The following PDZD2 variants were observed in gnomAD, a reference collection of about 807,000 sequenced individuals.
PDZD2 encodes PDZ domain containing 2, also known as PDZ domain-containing protein 2.
In PDZD2, 90 loss-of-function variants were observed where a neutral mutation model predicts 220.7. That is an observed-to-expected ratio of 0.41 (90% CI 0.34 to 0.49). The LOEUF (loss-of-function observed/expected upper bound fraction) is 0.49, where lower values mean the gene tolerates loss of function less well. Ranked by LOEUF, PDZD2 falls within the 20% of genes least tolerant of loss-of-function variation. The probability of loss-of-function intolerance (pLI) is 0.28; values close to 1 mark genes in which losing one functional copy is unlikely to be tolerated. For synonymous variants in PDZD2, 1,375 were observed against 1,450.5 expected (o/e 0.95, Z 1.18); for missense variants, 3,174 against 3,608.5 (o/e 0.88, Z 3.08).
intron 21 of PDZD2, among the ~76,000 whole-genome samples, chr5:32,095,277 TC>T (rs1743557890): frequency 6.6e-6 from 1 of 152,198 alleles, no homozygotes; most frequent in Non-Finnish European, 1.5e-5. Flanking sequence ...TGAAGATCAT[TC>T]CTACATATCA....
At chr5:31,731,533 A>G (rs1167138448) in intron 1 of PDZD2, among the ~76,000 whole-genome samples, 2 of 152,186 alleles carry the variant, frequency 1.3e-5, no homozygotes, top group Non-Finnish European at 2.9e-5. Flanking sequence ...GTCTATGGAT[A>G]TAACTCTTCG....
At chr5:31,662,851 T>C (rs144951341) in intron 1 of PDZD2, among the ~76,000 whole-genome samples, 2,247 of 152,248 alleles carry the variant, frequency 0.015, 17 homozygotes, top group Non-Finnish European at 0.02. Context: ...AGGATGGTCT[T>C]GATCTCCTGA....
chr5:31,858,318 G>T (rs77181320), intron 2 of PDZD2, among the ~76,000 whole-genome samples: 23 of 152,108 alleles, frequency 1.5e-4, no homozygotes, highest in Admixed American at 1.5e-3. Flanking sequence ...GGGACACCCA[G>T]TTAATTGGAA....
intron 1 of PDZD2, among the ~76,000 whole-genome samples, chr5:31,777,328 G>A (rs1052773241): frequency 5.2e-4 from 79 of 152,314 alleles, no homozygotes; most frequent in African/African-American, 1.7e-3. Context: ...CCAGGCCTCA[G>A]CCGCCTCCCT....
chr5:32,108,765 G>GAGTGT lies in PDZD2; in HGVS notation c.*632_*636dup, dbSNP rs1349664760. On this transcript the variant is annotated 3_prime_UTR_variant, in exon 25 of 25. Transcript: ENST00000438447. Reference sequence around the variant, plus strand: ...TAATTAATTGAGAGTATTTTTTAGTGAGTGTAATGTATAATGTACGTATGC... The same window carrying GAGTGT: ...TAATTAATTGAGAGTATTTTTTAGTGAGTGTAGTGTAATGTATAATGTACGTATGC... 2 of 152,678 alleles carry GAGTGT rather than the reference G, an allele frequency of 1.3e-5. No individual in the cohort carries two copies. 9.5% of individuals were successfully genotyped at this position (152,678 alleles called of 1,614,324 possible).
At chr5:32,051,180 C>G (rs913070729) in intron 8 of PDZD2, among the ~76,000 whole-genome samples, 1 of 152,030 alleles carries the variant, frequency 6.6e-6, no homozygotes, top group African/African-American at 2.4e-5. Flanking sequence ...AGAAAGAGTT[C>G]CCTTAGGAGT....
At chr5:31,729,099 CTTTT>C (rs10650811) in intron 1 of PDZD2, among the ~76,000 whole-genome samples, 1 of 123,648 alleles carries the variant, frequency 8.1e-6, no homozygotes, top group Non-Finnish European at 1.6e-5. Flanking sequence ...TGATCGAAAT[CTTTT>C]TTTTTTTTTT....
intron 1 of PDZD2, among the ~76,000 whole-genome samples, chr5:31,686,813 A>G (rs112437105): frequency 1.3e-5 from 2 of 152,202 alleles, no homozygotes; most frequent in Non-Finnish European, 2.9e-5. Context: ...ATATATTACA[A>G]TTAACTGTTT....
chr5:32,044,440 A>G (rs1426623221), intron 7 of PDZD2, among the ~76,000 whole-genome samples: 1 of 152,148 alleles, frequency 6.6e-6, no homozygotes, highest in Non-Finnish European at 1.5e-5. Context: ...CAGGGAGTGG[A>G]AGTCTGTCTG....
Position 32,045,588 on chromosome 5 carries a change from G to GTT in PDZD2, c.1520-2940_1520-2939dup, listed in dbSNP as rs34280498. Among the ~76,000 whole-genome samples, 230 of 140,078 alleles carry GTT rather than the reference G, an allele frequency of 1.6e-3. 1 individual carries two copies. The highest frequency in any genetic ancestry group is 5.6e-3 in the African/African-American group (215 of 38,598). 91.9% of individuals were successfully genotyped at this position (140,078 alleles called of 152,430 possible). A position where few individuals can be genotyped will look rare whatever the true frequency, so the allele number is the denominator to read the frequency against. On this transcript the variant is annotated intron_variant, in intron 7 of 24. Coordinates refer to ENST00000438447, the MANE Select transcript of PDZD2 (RefSeq NM_178140.4). Reference sequence around the variant, plus strand: ...GGCACATATACCACCACGCCCAGCTGTTTTTTTTTTTTGTATTTTTAGTAG... The same window carrying GTT: ...GGCACATATACCACCACGCCCAGCTGTTTTTTTTTTTTTTGTATTTTTAGTAG...
chr5:31,826,675 C>CAAA (rs745683312), intron 2 of PDZD2, among the ~76,000 whole-genome samples: 1 of 113,710 alleles, frequency 8.8e-6, no homozygotes, highest in Admixed American at 9.5e-5. Flanking sequence ...GACTCTGTCT[C>CAAA]AAAAAAAAAA....
chr5:31,947,863 A>G lies in PDZD2; in HGVS notation c.477-35292A>G, dbSNP rs568625741. ...GTGGATGGGGACAGTGAGAGAGAGA[A>G]AGAGAGAGAGAAGTAGGGGAGGGAA... On this transcript the variant is annotated intron_variant, in intron 2 of 24. Coordinates refer to ENST00000438447, the MANE Select transcript of PDZD2 (RefSeq NM_178140.4). Among the ~76,000 whole-genome samples, 25 of 151,772 alleles carry G rather than the reference A, an allele frequency of 1.6e-4. No homozygotes were observed. The South Asian group carries it at 5.2e-3, about 32-fold the overall frequency.
At chr5:32,107,165 A>G (rs1478409616) in intron 24 of PDZD2, among the ~76,000 whole-genome samples, 1 of 152,140 alleles carries the variant, frequency 6.6e-6, no homozygotes, top group Non-Finnish European at 1.5e-5. Context: ...CTTTAGAAGT[A>G]TATGTGTGAG....
intron 2 of PDZD2, among the ~76,000 whole-genome samples, chr5:31,977,851 G>A (rs959973587): frequency 3.9e-5 from 6 of 152,192 alleles, no homozygotes; most frequent in African/African-American, 7.2e-5. Flanking sequence ...GCGTGCACCC[G>A]TAATCCCAGC....
At position 32,074,322 on chromosome 5, in the gene PDZD2, C is replaced by G. The variant is rs566368049; in HGVS notation, c.3216C>G (p.Ser1072Arg). Residue 1072 changes from serine (S) to arginine (R), a missense_variant, in exon 18 of 25, where the codon AGC becomes AGG. This residue lies in a region of PDZD2 where 1,861 missense variants were observed against 2,001.0 expected (regional missense o/e 0.93). Coordinates refer to ENST00000438447, the MANE Select transcript of PDZD2 (RefSeq NM_178140.4). ...AGGCCCCCAAGGGGAGCCCTGGAAG[C>G]TGGTGGAAGAAGGAACTGTCAGGAT... ...SAEAPKGSPGSWWKKELSGSS... is the reference protein window; with the variant it reads ...SAEAPKGSPGRWWKKELSGSS... 6.2e-7 allele frequency: 1 copy of G among 1,614,192 alleles called. No individual in the cohort carries two copies. Among genetic ancestry groups the G allele is most frequent in the Admixed American group, 1.7e-5 (1 of 60,030 alleles).
chr5:31,660,157 A>C (rs1160607110), intron 1 of PDZD2, among the ~76,000 whole-genome samples: 1 of 152,196 alleles, frequency 6.6e-6, no homozygotes, highest in Non-Finnish European at 1.5e-5. Flanking sequence ...AATCATCTGC[A>C]TATCCTCATT....
At chr5:31,936,428 T>C (rs1745731971) in intron 2 of PDZD2, 1 of 750,974 alleles carries the variant, frequency 1.3e-6, no homozygotes, top group African/African-American at 1.9e-5. Flanking sequence ...GGTTTATTAT[T>C]TTTTAATTAT....
At chr5:31,713,329 T>C (rs1404252463) in intron 1 of PDZD2, among the ~76,000 whole-genome samples, 3 of 152,238 alleles carry the variant, frequency 2.0e-5, no homozygotes, top group African/African-American at 7.2e-5. Context: ...CCCTAGCTTC[T>C]GGATTTCTAT....
chr5:31,743,389 C>T (rs1263928175), intron 1 of PDZD2, among the ~76,000 whole-genome samples: 1 of 151,892 alleles, frequency 6.6e-6, no homozygotes. Context: ...TTGCCCAGGG[C>T]TCAAGCGATC....
Sources: gnomAD v4.1 joint callset for allele counts (sites outside exome capture counted in the v4.1 genomes callset) on GRCh38, gnomAD v4.1.1 for gene constraint, gnomAD v4.1.1 regional missense constraint, MANE v1.5 for transcripts, NCBI Gene and HGNC (gene_info 2026-07-23, HGNC 2026-07-21) for gene names.